Variants in LTB4R2 observed in about 807,000 individuals in gnomAD.
LTB4R2 encodes leukotriene B4 receptor 2, also known as LTB4 receptor JULF2.
LTB4R2 carries 6 observed loss-of-function variants against 5.3 expected under a neutral mutation model. The observed-to-expected ratio is 1.14, with a 90% CI of 0.62 to 2.24. The LOEUF is 2.24. Ranked by LOEUF, LTB4R2 falls within the 30% of genes most tolerant of loss-of-function variation. The probability of loss-of-function intolerance (pLI) is 0.00; values close to 1 mark genes in which losing one functional copy is unlikely to be tolerated. For synonymous variants in LTB4R2, 310 were observed against 264.2 expected, an observed-to-expected ratio of 1.17 and a Z score of -1.68; for missense variants, 560 against 521.5, an observed-to-expected ratio of 1.07 and a Z score of -0.72.
Position 24,311,105 on chromosome 14 carries a change from G to A in LTB4R2, c.441G>A (p.Leu147=), listed in dbSNP as rs2041685680. The part of the protein sequence containing the change: ...LARRLLLAVW[L]AALLLAVPAA... ...GCCGCCTGCTGCTGGCGGTCTGGCT[G>A]GCCGCCCTGTTGCTCGCCGTCCCGG... The change falls in exon 2 of 2, where the codon CTG becomes CTA. Residue 147 remains leucine (L), a synonymous_variant. Transcript: ENST00000533293. The A allele has an allele frequency of 2.5e-6, 4 of 1,569,310 alleles. No homozygotes were observed. Among genetic ancestry groups the A allele is most frequent in the East Asian group, 4.7e-5 (2 of 42,248 alleles).
chr14:24,310,485 T>G, intron 1 of LTB4R2, 170 bp from the exon 2 acceptor site: 1 of 725,164 alleles, frequency 1.4e-6, no homozygotes, highest in Non-Finnish European at 2.5e-6. Flanking sequence ...CAAGAAGGAG[T>G]TGTGTTTGAG....
At chr14:24,310,522 A>G in intron 1 of LTB4R2, 133 bp from the exon 2 acceptor site, 1 of 897,028 alleles carries the variant, frequency 1.1e-6, no homozygotes, top group South Asian at 1.4e-5. Flanking sequence ...CGTGGAAGTC[A>G]GGACTCCCAG....
chr14:24,311,901 CA>C lies in LTB4R2; in HGVS notation c.*163del. Reference sequence around the variant, plus strand: ...CACTTGGGGCAGGCCCAGGCTCCTCCAAACTGAGGGATTATGAGGGTGGTGA... The same window carrying C: ...CACTTGGGGCAGGCCCAGGCTCCTCCAACTGAGGGATTATGAGGGTGGTGA... On this transcript the variant is annotated 3_prime_UTR_variant, in exon 2 of 2. Transcript: ENST00000533293. 1 of 667,604 alleles carries C rather than the reference CA, an allele frequency of 1.5e-6. No individual in the cohort carries two copies. The highest frequency in any genetic ancestry group is 2.2e-5 in the South Asian group (1 of 45,114). The allele number at this position is 667,604 out of a possible 1,614,324, so 41.4% of individuals were successfully genotyped here. A position where few individuals can be genotyped will look rare whatever the true frequency, so the allele number is the denominator to read the frequency against.
chr14:24,310,660 G>A lies in LTB4R2; in HGVS notation c.-5G>A. The A allele has an allele frequency of 6.2e-7, 1 of 1,614,172 alleles. No homozygotes were observed. The highest frequency in any genetic ancestry group is 2.2e-5 in the East Asian group (1 of 44,888). ...CGCCTTCCACCCACCTGTAGGCCCA[G>A]AAGGATGTCGGTCTGCTACCGTCCC... On this transcript the variant is annotated 5_prime_UTR_variant, in exon 2 of 2. Coordinates refer to ENST00000533293, the MANE Select transcript of LTB4R2 (RefSeq NM_019839.5).
chr14:24,311,180 C>CCCGTCG lies in LTB4R2; in HGVS notation c.520_525dup (p.Ser174_Pro175dup). ...GGGACCGCGTATGCCAGCTGTGCCA[C>CCCGTCG]CCGTCGCCGGTCCACGCCGCCGCCC... On this transcript the variant is annotated inframe_insertion, in exon 2 of 2. Transcript: ENST00000533293. The CCCGTCG allele has an allele frequency of 6.2e-7, 1 of 1,607,328 alleles. No individual in the cohort carries two copies. The highest frequency in any genetic ancestry group is 2.2e-5 in the East Asian group (1 of 44,606).
chr14:24,310,738 C>T lies in LTB4R2; in HGVS notation c.74C>T (p.Ala25Val), dbSNP rs752043279. The change falls in exon 2 of 2, where the codon GCC becomes GTC. Residue 25 changes from alanine to valine, a missense_variant. Ala to Val is a moderately conservative substitution (Grantham distance 64). Coordinates refer to ENST00000533293, the MANE Select transcript of LTB4R2 (RefSeq NM_019839.5). ...AAGACTTCGCGGGCCACAGGCACAG[C>T]CTTCCTGCTGCTGGCGGCGCTGCTG... ...SWKTSRATGT[A>V]FLLLAALLGL... The T allele has an allele frequency of 9.3e-6, 15 of 1,611,920 alleles. No homozygotes were observed. The East Asian group carries it at 3.1e-4, about 34-fold the overall frequency.
chr14:24,311,069 G>C lies in LTB4R2; in HGVS notation c.405G>C (p.Pro135=). The C allele has an allele frequency of 1.3e-6, 2 of 1,557,488 alleles. No homozygotes were observed. The highest frequency in any genetic ancestry group is 2.8e-5 in the African/African-American group (2 of 71,270). Residue 135 remains proline, a synonymous_variant, in exon 2 of 2, where the codon CCG becomes CCC. Coordinates refer to ENST00000533293, the MANE Select transcript of LTB4R2 (RefSeq NM_019839.5). ...RPFLAPRLRS[P]ALARRLLLAV... Reference sequence around the variant, plus strand: ...TCCTGGCGCCTCGGCTGCGCAGCCCGGCCCTGGCCCGCCGCCTGCTGCTGG... The same window carrying C: ...TCCTGGCGCCTCGGCTGCGCAGCCCCGCCCTGGCCCGCCGCCTGCTGCTGG...
Position 24,310,819 on chromosome 14 carries a change from G to C in LTB4R2, c.155G>C (p.Arg52Pro). ...VWSLAGWRPA[R>P]GRPLAATLVL... Reference sequence around the variant, plus strand: ...AGCTTGGCGGGCTGGCGGCCTGCACGGGGGCGACCGCTGGCGGCCACGCTT... The same window carrying C: ...AGCTTGGCGGGCTGGCGGCCTGCACCGGGGCGACCGCTGGCGGCCACGCTT... The change falls in exon 2 of 2, where the codon CGG (arginine) becomes CCG (proline). Residue 52 changes from arginine to proline, a missense_variant. Arg to Pro is a moderately radical substitution (Grantham distance 103). Transcript: ENST00000533293. 2.5e-6 allele frequency: 4 copies of C among 1,594,522 alleles called. No homozygotes were observed. Among genetic ancestry groups the C allele is most frequent in the African/African-American group, 1.3e-5 (1 of 74,784 alleles).
chr14:24,311,786 C>T lies in LTB4R2; in HGVS notation c.*45C>T. 6.8e-7 allele frequency: 1 copy of T among 1,464,236 alleles called. No individual in the cohort carries two copies. Among genetic ancestry groups the T allele is most frequent in the East Asian group, 2.3e-5 (1 of 43,238 alleles). 90.7% of individuals were successfully genotyped at this position (1,464,236 alleles called of 1,614,324 possible). A position where few individuals can be genotyped will look rare whatever the true frequency, so the allele number is the denominator to read the frequency against. On this transcript the variant is annotated 3_prime_UTR_variant, in exon 2 of 2. Transcript: ENST00000533293. ...CTGCCCTTCCCTGTCCCTTTCCACC[C>T]CCCACCCACCCTCCAGAGGTCAGTG...
rs199950899 is a variant in LTB4R2, at chr14:24,311,545, A to G, written c.881A>G (p.Asp294Gly). ...NPVLYVFTAG[D>G]LLPRAGPRFL... ...GTGCTCTACGTCTTCACCGCTGGAG[A>G]TCTGCTGCCCCGGGCAGGTCCCCGT... The change falls in exon 2 of 2, where the codon GAT becomes GGT. Residue 294 changes from aspartate to glycine, a missense_variant. By Grantham distance (94) the Asp-to-Gly change is moderately conservative. Transcript: ENST00000533293. 1,710 of 1,606,882 alleles carry G rather than the reference A, an allele frequency of 1.1e-3. 6 individuals carry two copies. Among genetic ancestry groups the G allele is most frequent in the South Asian group, 4.1e-3 (374 of 91,080 alleles).
chr14:24,311,591 A>G lies in LTB4R2; in HGVS notation c.927A>G (p.Glu309=). Residue 309 remains glutamate, a synonymous_variant, in exon 2 of 2, where the codon GAA becomes GAG. Transcript: ENST00000533293. ...AGPRFLTRLF[E]GSGEARGGGR... is the part of the protein sequence containing the mutation. ...CCCGTTTCCTCACGCGGCTCTTCGA[A>G]GGCTCTGGGGAGGCCCGAGGGGGCG... 1 of 1,612,098 alleles carries G rather than the reference A, an allele frequency of 6.2e-7. No homozygotes were observed. Among genetic ancestry groups the G allele is most frequent in the South Asian group, 1.1e-5 (1 of 91,086 alleles).
chr14:24,311,260 G>A lies in LTB4R2; in HGVS notation c.596G>A (p.Gly199Asp). The A allele has an allele frequency of 1.2e-6, 2 of 1,603,740 alleles. No homozygotes were observed. Among genetic ancestry groups the A allele is most frequent in the Non-Finnish European group, 1.7e-6 (2 of 1,175,506 alleles). The change falls in exon 2 of 2, where the codon GGC becomes GAC. Residue 199 changes from glycine to aspartate, a missense_variant. Physicochemically the swap from Gly to Asp is moderately conservative, Grantham distance 94 (BLOSUM62 -1). Coordinates refer to ENST00000533293, the MANE Select transcript of LTB4R2 (RefSeq NM_019839.5). ...GTGCTTCCTTTCGGGCTGATGCTCG[G>A]CTGCTACAGCGTGACGCTGGCACGG... The part of the protein sequence containing the change: ...AFVLPFGLML[G>D]CYSVTLARLR...
rs746181956 is a variant in LTB4R2, at chr14:24,311,249, G to A, written c.585G>A (p.Gly195=). 2.2e-5 allele frequency: 35 copies of A among 1,606,536 alleles called. No homozygotes were observed. Among genetic ancestry groups the A allele is most frequent in the Non-Finnish European group, 2.9e-5 (34 of 1,176,974 alleles). ...TGACCGCTTTCGTGCTTCCTTTCGGGCTGATGCTCGGCTGCTACAGCGTGA... is the reference window on the plus strand; with the variant it reads ...TGACCGCTTTCGTGCTTCCTTTCGGACTGATGCTCGGCTGCTACAGCGTGA... The part of the protein sequence containing the change: ...ETLTAFVLPF[G]LMLGCYSVTL... Residue 195 remains glycine (G), a synonymous_variant, in exon 2 of 2, where the codon GGG becomes GGA. Transcript: ENST00000533293.
At position 24,310,883 on chromosome 14, in the gene LTB4R2, G is replaced by T. The variant is rs764353535; in HGVS notation, c.219G>T (p.Leu73=). 5 of 1,592,376 alleles carry T rather than the reference G, an allele frequency of 3.1e-6. 1 individual carries two copies. The South Asian group carries it at 5.5e-5, about 18-fold the overall frequency. Residue 73 remains leucine, a synonymous_variant, in exon 2 of 2, where the codon CTG becomes CTT. Coordinates refer to ENST00000533293, the MANE Select transcript of LTB4R2 (RefSeq NM_019839.5). The stretch of plus-strand genomic sequence containing the variant: ...CGCTGGCCGACGGCGCGGTGCTGCT[G>T]CTCACGCCGCTCTTTGTGGCCTTCC... ...HLALADGAVL[L]LTPLFVAFLT...
chr14:24,310,814 T>A lies in LTB4R2; in HGVS notation c.150T>A (p.Pro50=). ...FVVWSLAGWR[P]ARGRPLAATL... The stretch of plus-strand genomic sequence containing the variant: ...TGTGGAGCTTGGCGGGCTGGCGGCC[T>A]GCACGGGGGCGACCGCTGGCGGCCA... Residue 50 remains proline, a synonymous_variant, in exon 2 of 2, where the codon CCT becomes CCA. Transcript: ENST00000533293. The A allele has an allele frequency of 6.3e-7, 1 of 1,595,684 alleles. No homozygotes were observed. Among genetic ancestry groups the A allele is most frequent in the African/African-American group, 1.3e-5 (1 of 74,700 alleles).
In LTB4R2 at chr14:24,310,961, C is replaced by T. The variant is rs1411028392; in HGVS notation, c.297C>T (p.Tyr99=). 1.3e-6 allele frequency: 2 copies of T among 1,591,836 alleles called. No homozygotes were observed. Among genetic ancestry groups the T allele is most frequent in the Admixed American group, 1.7e-5 (1 of 59,052 alleles). ...AGGCGGGCTGCAAGGCGGTGTACTA[C>T]GTGTGCGCGCTCAGCATGTACGCCA... ...LGQAGCKAVY[Y]VCALSMYASV... is the part of the protein sequence containing the mutation. Residue 99 remains tyrosine, a synonymous_variant, in exon 2 of 2, where the codon TAC becomes TAT. Transcript: ENST00000533293.
intron 1 of LTB4R2, 168 bp from the exon 2 acceptor site, chr14:24,310,487 G>A: frequency 1.4e-6 from 1 of 735,998 alleles, no homozygotes; most frequent in South Asian, 1.5e-5. Context: ...AGAAGGAGTT[G>A]TGTTTGAGGT....
chr14:24,311,378 C>T lies in LTB4R2; in HGVS notation c.714C>T (p.Ala238=), dbSNP rs1373183810. ...AIVLAFGLLW[A]PYHAVNLLQA... ...TGCTTGCCTTCGGCTTGCTCTGGGC[C>T]CCCTACCACGCAGTCAACCTTCTGC... The change falls in exon 2 of 2, where the codon GCC becomes GCT. Residue 238 remains alanine, a synonymous_variant. Transcript: ENST00000533293. 8 of 1,603,276 alleles carry T rather than the reference C, an allele frequency of 5.0e-6. No individual in the cohort carries two copies. The highest frequency in any genetic ancestry group is 6.8e-6 in the Non-Finnish European group (8 of 1,179,650).
chr14:24,310,443 G>T, intron 1 of LTB4R2, 188 bp downstream of exon 1: 1 of 686,220 alleles, frequency 1.5e-6, no homozygotes, highest in Admixed American at 2.2e-5. Flanking sequence ...AGTGGGGCAG[G>T]TCAACTGACT....
Sources: gnomAD v4.1 joint callset for allele counts on GRCh38, gnomAD v4.1.1 for gene constraint, MANE v1.5 for transcripts, NCBI Gene and HGNC (gene_info 2026-07-23, HGNC 2026-07-21) for gene names.